The following IMMP2L variants were observed in gnomAD, a reference collection of about 807,000 sequenced individuals.
IMMP2L encodes the protein mitochondrial inner membrane protease subunit 2.
Under a neutral mutation model 19.3 loss-of-function variants are expected in IMMP2L, and 18 were observed. That is an observed-to-expected ratio of 0.93 (90% CI 0.64 to 1.38). IMMP2L has a LOEUF of 1.38. IMMP2L is among the 40% of genes most tolerant of loss of function. The pLI is 0.00. For missense variants in IMMP2L, 233 were observed against 218.2 expected (o/e 1.07, Z -0.43); for synonymous variants, 76 against 73.0 (o/e 1.04, Z -0.21).
intron 3 of IMMP2L, among the ~76,000 whole-genome samples, chr7:111,392,332 C>T (rs1164362714): frequency 6.6e-6 from 1 of 152,158 alleles, no homozygotes; most frequent in Non-Finnish European, 1.5e-5. Context: ...AAAAGAATTT[C>T]CTGCCCAGGG....
chr7:111,122,129 G>A (rs922699110), intron 3 of IMMP2L, among the ~76,000 whole-genome samples: 3 of 151,300 alleles, frequency 2.0e-5, no homozygotes, highest in Admixed American at 6.6e-5. Context: ...GTTAAATGAC[G>A]AGTTAATGGG....
intron 3 of IMMP2L, among the ~76,000 whole-genome samples, chr7:111,473,286 C>A (rs1841431239): frequency 6.6e-6 from 1 of 151,934 alleles, no homozygotes; most frequent in Non-Finnish European, 1.5e-5. Context: ...TGTTTGTGGC[C>A]CCTCTTCACA....
chr7:111,526,209 C>T (rs1846834369), intron 1 of IMMP2L, among the ~76,000 whole-genome samples: 1 of 152,290 alleles, frequency 6.6e-6, no homozygotes, highest in Admixed American at 6.5e-5. Context: ...ATAAAGATGG[C>T]TAAGCATACA....
chr7:110,721,359 A>C (rs936100125), intron 5 of IMMP2L, among the ~76,000 whole-genome samples: 1 of 152,148 alleles, frequency 6.6e-6, no homozygotes, highest in Non-Finnish European at 1.5e-5. Context: ...TTAAGGCCGG[A>C]CATTTTTAAT....
intron 3 of IMMP2L, among the ~76,000 whole-genome samples, chr7:111,014,223 C>T (rs545559921): frequency 3.3e-5 from 5 of 151,870 alleles, no homozygotes; most frequent in South Asian, 4.2e-4. Flanking sequence ...GGCATTGTGG[C>T]GCATGCCTGT....
chr7:111,284,420 A>G (rs1820264268), intron 3 of IMMP2L, among the ~76,000 whole-genome samples: 1 of 152,164 alleles, frequency 6.6e-6, no homozygotes, highest in Non-Finnish European at 1.5e-5. Context: ...CGAAGCCAGC[A>G]TTTGGAGAGA....
At chr7:111,189,373 GAA>G (rs10595657) in intron 3 of IMMP2L, among the ~76,000 whole-genome samples, 98,829 of 145,214 alleles carry the variant, frequency 0.68, 35,152 homozygotes, top group East Asian at 0.81. Context: ...CTTTTTTAAT[GAA>G]AAAAAAAAAA....
intron 3 of IMMP2L, among the ~76,000 whole-genome samples, chr7:111,008,590 C>G (rs1824565214): frequency 6.6e-6 from 1 of 151,994 alleles, no homozygotes; most frequent in South Asian, 2.1e-4. Context: ...CACACACACA[C>G]ACACAATGTT....
chr7:111,451,785 GATTT>G (rs1015280985), intron 3 of IMMP2L, among the ~76,000 whole-genome samples: 2 of 150,660 alleles, frequency 1.3e-5, no homozygotes, highest in Non-Finnish European at 3.0e-5. Flanking sequence ...AAGGCAAAAT[GATTT>G]ATTAGGAAAG....
At chr7:111,419,978 T>C (rs1366859769) in intron 3 of IMMP2L, among the ~76,000 whole-genome samples, 1 of 138,348 alleles carries the variant, frequency 7.2e-6, no homozygotes, top group Non-Finnish European at 1.7e-5. Context: ...TTTGAGACTA[T>C]GAAAACATTC....
At chr7:110,980,288 A>C (rs1015169347) in intron 3 of IMMP2L, among the ~76,000 whole-genome samples, 7 of 131,382 alleles carry the variant, frequency 5.3e-5, no homozygotes, top group Admixed American at 1.8e-4. Flanking sequence ...AGTGCAGTGG[A>C]GCAATCTTGG....
intron 4 of IMMP2L, among the ~76,000 whole-genome samples, chr7:110,926,752 A>C (rs1814901059): frequency 6.6e-6 from 1 of 152,144 alleles, no homozygotes; most frequent in Non-Finnish European, 1.5e-5. Context: ...GCTATAATAA[A>C]CATCTCTATG....
chr7:111,319,540 C>A (rs1347065874), intron 3 of IMMP2L, among the ~76,000 whole-genome samples: 1 of 151,932 alleles, frequency 6.6e-6, no homozygotes, highest in African/African-American at 2.4e-5. Flanking sequence ...CAGTGAACTA[C>A]CAAAATTTTC....
At chr7:110,779,583 C>T (rs1799606032) in intron 5 of IMMP2L, among the ~76,000 whole-genome samples, 1 of 151,840 alleles carries the variant, frequency 6.6e-6, no homozygotes. Context: ...TGTAGCAAAA[C>T]AGTCTACAAT....
At chr7:111,270,147 A>G (rs1818302752) in intron 3 of IMMP2L, among the ~76,000 whole-genome samples, 1 of 151,188 alleles carries the variant, frequency 6.6e-6, no homozygotes, top group African/African-American at 2.4e-5. Context: ...TAGTGCCTAC[A>G]ATGTAGCTGC....
chr7:110,690,539 T>C (rs1793421650), intron 5 of IMMP2L, among the ~76,000 whole-genome samples: 1 of 152,104 alleles, frequency 6.6e-6, no homozygotes, highest in Admixed American at 6.5e-5. Flanking sequence ...GATGATATGA[T>C]CATATACCTA....
chr7:110,789,411 T>G (rs1409749244), intron 5 of IMMP2L, among the ~76,000 whole-genome samples: 1 of 151,714 alleles, frequency 6.6e-6, no homozygotes, highest in East Asian at 1.9e-4. Context: ...ACCTTAAATC[T>G]GTTAGCAAAC....
intron 3 of IMMP2L, among the ~76,000 whole-genome samples, chr7:111,003,436 C>T (rs1462057156): frequency 6.6e-6 from 1 of 152,040 alleles, no homozygotes; most frequent in Non-Finnish European, 1.5e-5. Flanking sequence ...TTCTGATTAT[C>T]TAAACTACAA....
chr7:111,138,622 T>C (rs1441221530), intron 3 of IMMP2L, among the ~76,000 whole-genome samples: 1 of 152,080 alleles, frequency 6.6e-6, no homozygotes, highest in East Asian at 1.9e-4. Flanking sequence ...AATAAAACCC[T>C]GCAAAATGGC....
Sources: gnomAD v4.1 joint callset for allele counts (sites outside exome capture counted in the v4.1 genomes callset) on GRCh38, gnomAD v4.1.1 for gene constraint, MANE v1.5 for transcripts, NCBI Gene and HGNC (gene_info 2026-07-23, HGNC 2026-07-21) for gene names.